ASIC2: variants seen among roughly 807,000 people sequenced by gnomAD.
ASIC2 encodes acid sensing ion channel subunit 2, also known as acid-sensing ion channel 2.
ASIC2 carries 25 observed loss-of-function variants against 57.3 expected under a neutral mutation model. That is an observed-to-expected ratio of 0.44 (90% confidence interval 0.32 to 0.61). ASIC2 has a LOEUF of 0.61. Among genes scored for constraint, ASIC2 ranks in the 20% least tolerant of loss-of-function variants. The probability of loss-of-function intolerance (pLI) is 0.06; values close to 1 mark genes in which losing one functional copy is unlikely to be tolerated. For missense variants in ASIC2, 641 were observed against 738.1 expected, an observed-to-expected ratio of 0.87 and a Z score of 1.52; for synonymous variants, 319 against 307.5, an observed-to-expected ratio of 1.04 and a Z score of -0.39.
chr17:33,473,884 C>T (rs1458914744), intron 1 of ASIC2, among the ~76,000 whole-genome samples: 1 of 152,082 alleles, frequency 6.6e-6, no homozygotes, highest in Non-Finnish European at 1.5e-5. Context: ...TGAGGGCACC[C>T]CCTTCACCCA....
At chr17:33,290,303 A>T (rs1380463993) in intron 1 of ASIC2, among the ~76,000 whole-genome samples, 2 of 152,248 alleles carry the variant, frequency 1.3e-5, no homozygotes, top group African/African-American at 4.8e-5. Flanking sequence ...AGAAATGAGG[A>T]TCTCAGGAGT....
chr17:33,783,333 A>G (rs1911513416), intron 1 of ASIC2, among the ~76,000 whole-genome samples: 1 of 152,238 alleles, frequency 6.6e-6, no homozygotes, highest in South Asian at 2.1e-4. Flanking sequence ...GATCTTGGCC[A>G]TGTAACATAA....
chr17:33,789,464 TCACA>T (rs3064584), intron 1 of ASIC2, among the ~76,000 whole-genome samples: 4,294 of 144,460 alleles, frequency 0.03, 92 homozygotes, highest in African/African-American at 0.058. Flanking sequence ...AGAATCATGG[TCACA>T]CACACACACA....
rs996707599 is a variant in ASIC2 at position 33,789,470 on chromosome 17, A to T, written c.555+366508T>A. Among the ~76,000 whole-genome samples the T allele has an allele frequency of 3.2e-3, 442 of 136,554 alleles. 4 individuals carry two copies. The highest frequency in any genetic ancestry group is 0.014 in the African/African-American group (417 of 29,170). The allele number at this position is 136,554 out of a possible 152,430, so 89.6% of individuals were successfully genotyped here. ...ATTTAGCAGAGAATCATGGTCACAC[A>T]CACACACACACACACACACACACAC... On this transcript the variant is annotated intron_variant, in intron 1 of 9. Transcript: ENST00000359872.
At chr17:33,960,857 C>T (rs903828319) in intron 1 of ASIC2, among the ~76,000 whole-genome samples, 4 of 152,188 alleles carry the variant, frequency 2.6e-5, no homozygotes, top group African/African-American at 9.7e-5. Flanking sequence ...CTGCCCCTAT[C>T]CCAGAATATA....
chr17:33,261,372 T>C (rs553468384), intron 1 of ASIC2, among the ~76,000 whole-genome samples: 2 of 152,348 alleles, frequency 1.3e-5, no homozygotes, highest in African/African-American at 4.8e-5. Flanking sequence ...TGAGCTGCTA[T>C]GTGTCCCTGG....
At chr17:33,784,879 G>A (rs563323428) in intron 1 of ASIC2, among the ~76,000 whole-genome samples, 1 of 152,028 alleles carries the variant, frequency 6.6e-6, no homozygotes, top group African/African-American at 2.4e-5. Flanking sequence ...TGCCTTTTGG[G>A]GAACAATTTT....
At chr17:34,119,601 T>C (rs12936179) in intron 1 of ASIC2, among the ~76,000 whole-genome samples, 7,169 of 145,952 alleles carry the variant, frequency 0.049, 537 homozygotes, top group African/African-American at 0.17. Context: ...GAGCTTCCCT[T>C]TCTCTACACA....
chr17:33,854,240 G>T (rs222491), intron 1 of ASIC2, among the ~76,000 whole-genome samples: 4 of 152,120 alleles, frequency 2.6e-5, no homozygotes, highest in South Asian at 4.1e-4. Context: ...CTGCACTGTA[G>T]GCATGCATGC....
chr17:34,032,388 G>A (rs1907655876), intron 1 of ASIC2, among the ~76,000 whole-genome samples: 1 of 152,196 alleles, frequency 6.6e-6, no homozygotes, highest in African/African-American at 2.4e-5. Flanking sequence ...GGAACAACCA[G>A]TACCAGCTGC....
At chr17:33,501,416 GC>G (rs1481708215) in intron 1 of ASIC2, among the ~76,000 whole-genome samples, 2 of 152,122 alleles carry the variant, frequency 1.3e-5, no homozygotes, top group Non-Finnish European at 2.9e-5. Flanking sequence ...TGAGCATCCT[GC>G]CCAACCCCTA....
At chr17:33,597,902 C>T (rs1459564760) in intron 1 of ASIC2, among the ~76,000 whole-genome samples, 1 of 152,182 alleles carries the variant, frequency 6.6e-6, no homozygotes, top group African/African-American at 2.4e-5. Flanking sequence ...TCCCTCTTTC[C>T]TTTTCTTTCC....
At chr17:33,239,465 C>T (rs957017433) in intron 1 of ASIC2, among the ~76,000 whole-genome samples, 1 of 152,194 alleles carries the variant, frequency 6.6e-6, no homozygotes, top group African/African-American at 2.4e-5. Flanking sequence ...CCCTTATACT[C>T]CTTATGGCTT....
At chr17:33,320,132 C>A (rs745596027) in intron 1 of ASIC2, among the ~76,000 whole-genome samples, 10 of 152,146 alleles carry the variant, frequency 6.6e-5, no homozygotes, top group Non-Finnish European at 1.0e-4. Context: ...GACACCCATA[C>A]CAGCCCTGCG....
chr17:33,763,395 C>T (rs749725550), intron 1 of ASIC2, among the ~76,000 whole-genome samples: 7 of 152,164 alleles, frequency 4.6e-5, no homozygotes, highest in Non-Finnish European at 7.3e-5. Flanking sequence ...CATCTCTAGC[C>T]CTGACCTTCA....
At chr17:33,448,343 C>T (rs933193667) in intron 1 of ASIC2, among the ~76,000 whole-genome samples, 1 of 152,278 alleles carries the variant, frequency 6.6e-6, no homozygotes, top group East Asian at 1.9e-4. Flanking sequence ...CCAGATATAT[C>T]AGGTCCTAAT....
chr17:33,353,210 T>C, intron 1 of ASIC2, among the ~76,000 whole-genome samples: 1 of 152,200 alleles, frequency 6.6e-6, no homozygotes, highest in Non-Finnish European at 1.5e-5. Context: ...GTTAGCTGTT[T>C]CCCTTAAAGT....
intron 1 of ASIC2, among the ~76,000 whole-genome samples, chr17:34,141,242 C>A (rs576362868): frequency 6.6e-6 from 1 of 152,054 alleles, no homozygotes; most frequent in East Asian, 1.9e-4. Context: ...GGAACCTTGA[C>A]AACTGGGAAT....
chr17:33,518,776 T>C (rs1257804845), intron 1 of ASIC2, among the ~76,000 whole-genome samples: 1 of 152,082 alleles, frequency 6.6e-6, no homozygotes, highest in Non-Finnish European at 1.5e-5. Context: ...TTAAATGCTT[T>C]GGACACATTA....
Sources: gnomAD v4.1 joint callset for allele counts (sites outside exome capture counted in the v4.1 genomes callset) on GRCh38, gnomAD v4.1.1 for gene constraint, MANE v1.5 for transcripts, NCBI Gene and HGNC (gene_info 2026-07-23, HGNC 2026-07-21) for gene names.